RYR3: variants seen among roughly 807,000 people sequenced by gnomAD.
RYR3 encodes brain ryanodine receptor-calcium release channel.
In RYR3, 207 loss-of-function variants were observed where a neutral mutation model predicts 584.3. The observed-to-expected ratio is 0.35, with a 90% confidence interval of 0.32 to 0.40. The LOEUF is 0.40. RYR3 is among the 10% of genes least tolerant of loss of function. The probability of loss-of-function intolerance (pLI) is 1.00; values close to 1 mark genes in which losing one functional copy is unlikely to be tolerated. For missense variants in RYR3, 5,616 were observed against 6,089.2 expected (o/e 0.92, Z 2.59); for synonymous variants, 2,416 against 2,248.5 (o/e 1.07, Z -2.11).
At chr15:33,839,658 G>C (rs1188332245) in intron 89 of RYR3, 1 of 152,188 alleles carries the variant, frequency 6.6e-6, no homozygotes, top group Non-Finnish European at 1.5e-5. Context: ...ATTGTGCTTT[G>C]TCACTGTTTT....
chr15:33,794,230 TA>T (rs1567185013), intron 67 of RYR3, among the ~76,000 whole-genome samples: 4 of 106,660 alleles, frequency 3.8e-5, no homozygotes, highest in South Asian at 3.4e-4. Flanking sequence ...TAAATATATA[TA>T]AATATATATT....
At chr15:33,715,038 T>G (rs1352082892) in intron 43 of RYR3, among the ~76,000 whole-genome samples, 1 of 152,236 alleles carries the variant, frequency 6.6e-6, no homozygotes, top group African/African-American at 2.4e-5. Context: ...AGAAGGCAAG[T>G]GTTGAATAAC....
In RYR3 at chr15:33,726,489, T is replaced by G. The variant is rs200721037; in HGVS notation, c.7016T>G (p.Leu2339Arg). ...LVGIISIPLK[L>R]PSLNKDGSVS... ...GGGATCATCAGCATCCCCTTGAAAC[T>G]GCCCTCCCTCAACAAAGGTAAGGGG... The change falls in exon 46 of 104, where the codon CTG (leucine) becomes CGG (arginine). Residue 2339 changes from leucine to arginine, a missense_variant. By Grantham distance (102) the Leu-to-Arg change is moderately radical. Around this residue, in one of 9 missense-constraint regions of RYR3, gnomAD observed 1,280 missense variants for 1,426.2 expected, o/e 0.90. Transcript: ENST00000634891. 94 of 1,599,256 alleles carry G rather than the reference T, an allele frequency of 5.9e-5. No homozygotes were observed. The highest frequency in any genetic ancestry group is 3.8e-5 in the Non-Finnish European group (44 of 1,172,786).
chr15:33,695,967 TTTTTTTTG>T lies in RYR3; in HGVS notation c.5861-250_5861-243del, dbSNP rs1057349891. On this transcript the variant is annotated intron_variant, in intron 38 of 103. Transcript: ENST00000634891. ...CCCAGCTTTTTTTTTTTTTTTTTTT[TTTTTTTTG>T]GTAGCAACAGGGTCTCGCTTTGTGG... Among the ~76,000 whole-genome samples the T allele has an allele frequency of 3.3e-4, 38 of 113,722 alleles. No individual in the cohort carries two copies. In the East Asian group the frequency reaches 9.0e-3, roughly 27 times the overall value. The allele number at this position is 113,722 out of a possible 152,430, so 74.6% of individuals were successfully genotyped here. A position where few individuals can be genotyped will look rare whatever the true frequency, so the allele number is the denominator to read the frequency against.
At chr15:33,711,415 T>C (rs1463315608) in intron 43 of RYR3, among the ~76,000 whole-genome samples, 3 of 152,018 alleles carry the variant, frequency 2.0e-5, no homozygotes, top group African/African-American at 7.2e-5. Flanking sequence ...GGCTAACTTT[T>C]TGTATTTTTA....
intron 1 of RYR3, among the ~76,000 whole-genome samples, chr15:33,422,330 G>A (rs972069336): frequency 2.6e-5 from 4 of 152,146 alleles, no homozygotes; most frequent in Admixed American, 2.6e-4. Flanking sequence ...CTCCCCAGCT[G>A]AGTGCTGGGC....
At chr15:33,612,085 CTCTCTT>C (rs1297880977) in intron 18 of RYR3, among the ~76,000 whole-genome samples, 1 of 152,140 alleles carries the variant, frequency 6.6e-6, no homozygotes, top group African/African-American at 2.4e-5. Flanking sequence ...TCTTTTGTTG[CTCTCTT>C]TCTAATAGAA....
chr15:33,563,523 G>C (rs911956928), intron 11 of RYR3, among the ~76,000 whole-genome samples: 1 of 152,200 alleles, frequency 6.6e-6, no homozygotes, highest in Non-Finnish European at 1.5e-5. Flanking sequence ...GCTCCAGCGA[G>C]AAAAACTAGC....
intron 1 of RYR3, among the ~76,000 whole-genome samples, chr15:33,343,496 C>A (rs1334310844): frequency 2.0e-5 from 3 of 152,066 alleles, no homozygotes; most frequent in Non-Finnish European, 4.4e-5. Context: ...TCCTCCCATC[C>A]CCCGCAGTTT....
At chr15:33,418,655 G>GT (rs2044003656) in intron 1 of RYR3, among the ~76,000 whole-genome samples, 1 of 152,108 alleles carries the variant, frequency 6.6e-6, no homozygotes, top group Non-Finnish European at 1.5e-5. Flanking sequence ...TCAAATTTGT[G>GT]TTTTAAGACA....
chr15:33,696,121 C>G (rs2065845664), intron 38 of RYR3, 97 bp from the exon 39 acceptor site: 2 of 1,204,016 alleles, frequency 1.7e-6, no homozygotes, highest in Non-Finnish European at 1.2e-6. Context: ...TAACCTCAAC[C>G]AATGATGTGT....
At chr15:33,758,275 G>C (rs1463278588) in intron 60 of RYR3, among the ~76,000 whole-genome samples, 1 of 152,088 alleles carries the variant, frequency 6.6e-6, no homozygotes, top group African/African-American at 2.4e-5. Flanking sequence ...GTGGCACCTG[G>C]AATACCAGCG....
chr15:33,482,575 A>G (rs2050073246), intron 2 of RYR3, among the ~76,000 whole-genome samples: 2 of 152,038 alleles, frequency 1.3e-5, no homozygotes, highest in Non-Finnish European at 2.9e-5. Flanking sequence ...GCAAGCCACC[A>G]TGCCTGGCTA....
intron 81 of RYR3, among the ~76,000 whole-genome samples, chr15:33,825,110 G>A (rs2077309015): frequency 6.6e-6 from 1 of 152,190 alleles, no homozygotes; most frequent in Non-Finnish European, 1.5e-5. Context: ...AAAGGGCGTG[G>A]CCCTTTGAAA....
intron 48 of RYR3, among the ~76,000 whole-genome samples, chr15:33,735,862 C>T (rs183502421): frequency 5.9e-5 from 9 of 152,282 alleles, no homozygotes; most frequent in East Asian, 1.9e-4. Context: ...AGCTGCTCAA[C>T]GCCAGTTTCT....
At position 33,647,427 on chromosome 15, in the gene RYR3, A is replaced by T; in HGVS notation, c.3945A>T (p.Lys1315Asn). The T allele has an allele frequency of 6.2e-7, 1 of 1,608,102 alleles. No individual in the cohort carries two copies. Among genetic ancestry groups the T allele is most frequent in the Non-Finnish European group, 8.5e-7 (1 of 1,174,704 alleles). Reference sequence around the variant, plus strand: ...ACATGGATTATCTTTCCCCCAGGAAACAGATGCAAGAAATACTCTCTCATA... The same window carrying T: ...ACATGGATTATCTTTCCCCCAGGAATCAGATGCAAGAAATACTCTCTCATA... ...CLDSEAFQKR[K>N]QMQEILSHTT... The change falls in exon 30 of 104, where the codon AAA (lysine) becomes AAT (asparagine). Residue 1315 changes from lysine to asparagine, a missense_variant. By Grantham distance (94) the Lys-to-Asn change is moderately conservative. Transcript: ENST00000634891.
intron 1 of RYR3, among the ~76,000 whole-genome samples, chr15:33,373,615 A>G (rs1422823272): frequency 6.6e-6 from 1 of 152,192 alleles, no homozygotes; most frequent in Non-Finnish European, 1.5e-5. Flanking sequence ...TGGAGATTTT[A>G]AAAATTGTTT....
At chr15:33,567,400 A>C (rs1282108611) in intron 12 of RYR3, among the ~76,000 whole-genome samples, 1 of 152,178 alleles carries the variant, frequency 6.6e-6, no homozygotes, top group Non-Finnish European at 1.5e-5. Context: ...GTGTTCCAAG[A>C]CCATTCTTCT....
intron 3 of RYR3, among the ~76,000 whole-genome samples, chr15:33,512,119 G>A (rs1219287531): frequency 6.6e-6 from 1 of 152,152 alleles, no homozygotes; most frequent in Non-Finnish European, 1.5e-5. Context: ...TCTGAATATG[G>A]TCTAGATGGC....
Sources: allele counts gnomAD v4.1 joint callset (sites outside exome capture counted in the v4.1 genomes callset), GRCh38; gene constraint gnomAD v4.1.1; regional missense constraint gnomAD v4.1.1; transcripts MANE v1.5; gene names NCBI Gene and HGNC (gene_info 2026-07-23, HGNC 2026-07-21).